The following MED1 variants were observed in gnomAD, a reference collection of about 807,000 sequenced individuals.
MED1 encodes the protein mediator of RNA polymerase II transcription subunit 1.
MED1 carries 17 observed loss-of-function variants against 121.3 expected under a neutral mutation model. The observed-to-expected ratio is 0.14, with a 90% CI of 0.10 to 0.21. The LOEUF (loss-of-function observed/expected upper bound fraction) is 0.21, where lower values mean the gene tolerates loss of function less well. Ranked by LOEUF, MED1 falls within the 10% of genes least tolerant of loss-of-function variation. MED1 has a pLI of 1.00. For missense variants in MED1, 1,558 were observed against 1,919.4 expected (o/e 0.81, Z 3.52); for synonymous variants, 661 against 694.4 (o/e 0.95, Z 0.76).
chr17:39,427,545 A>G, intron 10 of MED1, 156 bp downstream of exon 10: 1 of 568,260 alleles, frequency 1.8e-6, no homozygotes, highest in South Asian at 2.1e-5. Flanking sequence ...ATACATATGT[A>G]TGTACTTGTG....
At chr17:39,431,057 T>A in intron 9 of MED1, 58 bp downstream of exon 9, 1 of 1,417,694 alleles carries the variant, frequency 7.1e-7, no homozygotes. Flanking sequence ...AAATGAAAAG[T>A]AATGACCCTC....
intron 1 of MED1, among the ~76,000 whole-genome samples, chr17:39,450,758 C>G (rs575728275): frequency 6.6e-6 from 1 of 152,224 alleles, no homozygotes; most frequent in East Asian, 1.9e-4. Flanking sequence ...GAGATGTAAG[C>G]TGATTTTGTA....
chr17:39,410,137 A>T lies in MED1; in HGVS notation c.2084T>A (p.Leu695Ter). 6.2e-7 allele frequency: 1 copy of T among 1,614,114 alleles called. No homozygotes were observed. Among genetic ancestry groups the T allele is most frequent in the Non-Finnish European group, 8.5e-7 (1 of 1,180,014 alleles). ...NKTKKKKSSR[L>*]PPEKPKHQTE... ...CTGGTGCTTTGGTTTCTCAGGTGGT[A>T]ATCTTGATGACTTCTTTTTCTTGGT... The change falls in exon 17 of 17, where the codon TTA (leucine) becomes TAA (stop). Residue 695 changes from leucine to a stop codon, truncating the protein, a stop_gained. Coordinates refer to ENST00000300651, the MANE Select transcript of MED1 (RefSeq NM_004774.4). LOFTEE classifies it high-confidence loss of function.
At chr17:39,412,179 C>G (rs1490957649) in intron 16 of MED1, among the ~76,000 whole-genome samples, 1 of 151,336 alleles carries the variant, frequency 6.6e-6, no homozygotes, top group African/African-American at 2.4e-5. Context: ...TCATAAACCT[C>G]AGTTTGCAAA....
chr17:39,409,254 G>A lies in MED1; in HGVS notation c.2967C>T (p.Asp989=), dbSNP rs754092461. 39 of 1,613,966 alleles carry A rather than the reference G, an allele frequency of 2.4e-5. 1 individual carries two copies. In the East Asian group the frequency reaches 8.7e-4, roughly 36 times the overall value. ...TCCGACTGCGCTTCCCTGGTTTGCT[G>A]TCTAATCCGGGCCCCGAGAGAGTAC... The part of the protein sequence containing the change: ...SNSTLSGPGL[D]SKPGKRSRTP... The change falls in exon 17 of 17, where the codon GAC becomes GAT. Residue 989 remains aspartate, a synonymous_variant. Coordinates refer to ENST00000300651, the MANE Select transcript of MED1 (RefSeq NM_004774.4).
intron 16 of MED1, among the ~76,000 whole-genome samples, chr17:39,411,240 A>C (rs1253835256): frequency 6.6e-6 from 1 of 152,098 alleles, no homozygotes; most frequent in Non-Finnish European, 1.5e-5. Context: ...AATTGCTTGA[A>C]CAAGGGAGGC....
intron 14 of MED1, among the ~76,000 whole-genome samples, chr17:39,419,360 G>A (rs1385463047): frequency 2.6e-5 from 4 of 151,474 alleles, no homozygotes; most frequent in Non-Finnish European, 4.4e-5. Flanking sequence ...ACAGGCGTGA[G>A]CCACCACACC....
rs1392209999 is a variant in MED1, at chr17:39,405,476, G to A, written c.*1999C>T. 2 of 1,398,102 alleles carry A rather than the reference G, an allele frequency of 1.4e-6. No homozygotes were observed. The highest frequency in any genetic ancestry group is 2.9e-5 in the Admixed American group (1 of 33,902). 86.6% of individuals were successfully genotyped at this position (1,398,102 alleles called of 1,614,324 possible). ...CCACATAAATTTTTTTTTTTTTCCT[G>A]CAGAAACCAACGGGATAGGATTCAA... On this transcript the variant is annotated 3_prime_UTR_variant, in exon 17 of 17. Coordinates refer to ENST00000300651, the MANE Select transcript of MED1 (RefSeq NM_004774.4).
At chr17:39,442,612 A>C (rs2048688923) in intron 3 of MED1, among the ~76,000 whole-genome samples, 3 of 150,490 alleles carry the variant, frequency 2.0e-5, no homozygotes, top group Non-Finnish European at 3.0e-5. Context: ...AAAAAAAAAA[A>C]AAAAAAAAAC....
intron 12 of MED1, 84 bp from the exon 13 acceptor site, chr17:39,423,529 C>T: frequency 1.4e-6 from 2 of 1,420,192 alleles, no homozygotes; most frequent in Middle Eastern, 1.8e-4. Context: ...TACATTCATT[C>T]ACCCAAAAGA....
intron 6 of MED1, among the ~76,000 whole-genome samples, chr17:39,438,617 C>T (rs940102272): frequency 3.9e-5 from 6 of 152,146 alleles, no homozygotes; most frequent in Non-Finnish European, 8.8e-5. Flanking sequence ...TCCCAAAGTC[C>T]TGGGATTACA....
In MED1 at chr17:39,408,509, T is replaced by C. The variant is rs1400563444; in HGVS notation, c.3712A>G (p.Ser1238Gly). 5.6e-6 allele frequency: 9 copies of C among 1,614,088 alleles called. No individual in the cohort carries two copies. Among genetic ancestry groups the C allele is most frequent in the Non-Finnish European group, 7.6e-6 (9 of 1,180,040 alleles). Reference sequence around the variant, plus strand: ...GATGACTTCATGCCAGAGCTTGAACTAGTTCCAGACATATGAGAACCACCA... The same window carrying C: ...GATGACTTCATGCCAGAGCTTGAACCAGTTCCAGACATATGAGAACCACCA... ...GSGGSHMSGT[S>G]SSSGMKSSSG... Residue 1238 changes from serine to glycine, a missense_variant, in exon 17 of 17, where the codon AGT becomes GGT. Physicochemically the swap from Ser to Gly is moderately conservative, Grantham distance 56. Transcript: ENST00000300651. This position sits in a 1 kb window ranked among gnomAD's most constrained non-coding sequence, Gnocchi z 4.7.
chr17:39,440,714 T>A lies in MED1; in HGVS notation c.212-37A>T, dbSNP rs1187181019. On this transcript the variant is annotated intron_variant, in intron 3 of 16. Transcript: ENST00000300651. The surrounding 1 kb of genome is among the most constrained non-coding windows in gnomAD (Gnocchi z 4.1). The stretch of plus-strand genomic sequence containing the variant: ...TGAAAAAAGGAGTCACAAAGAATGC[T>A]CCAAATGACTTAAATGATATTCTTT... The A allele has an allele frequency of 6.5e-7, 1 of 1,542,466 alleles. No individual in the cohort carries two copies. Among genetic ancestry groups the A allele is most frequent in the East Asian group, 2.2e-5 (1 of 44,554 alleles).
intron 16 of MED1, 135 bp from the exon 17 acceptor site, chr17:39,410,856 CT>C: frequency 1.6e-6 from 2 of 1,283,802 alleles, no homozygotes; most frequent in Non-Finnish European, 2.1e-6. Flanking sequence ...AAAAATAGTT[CT>C]ATCAAATACC....
intron 2 of MED1, among the ~76,000 whole-genome samples, chr17:39,447,251 C>A (rs567454192): frequency 6.6e-6 from 1 of 152,020 alleles, no homozygotes; most frequent in African/African-American, 2.4e-5. Flanking sequence ...ATTAGCTGGG[C>A]GTGGTGGCGC....
At chr17:39,431,288 T>G in intron 8 of MED1, 100 bp from the exon 9 acceptor site, 3 of 1,018,784 alleles carry the variant, frequency 2.9e-6, no homozygotes, top group Non-Finnish European at 2.9e-6. Context: ...TGTCTTTTTT[T>G]TTTTTTGAGA....
chr17:39,423,821 C>G lies in MED1; in HGVS notation c.852G>C (p.Trp284Cys). 6.3e-7 allele frequency: 1 copy of G among 1,591,988 alleles called. No individual in the cohort carries two copies. The highest frequency in any genetic ancestry group is 8.5e-7 in the Non-Finnish European group (1 of 1,173,228). The change falls in exon 12 of 17, where the codon TGG (tryptophan) becomes TGC (cysteine). Residue 284 changes from tryptophan (W) to cysteine (C), a missense_variant and splice_region_variant. Around this residue, in one of 5 missense-constraint regions of MED1, gnomAD observed 443 missense variants for 532.4 expected, o/e 0.83. Coordinates refer to ENST00000300651, the MANE Select transcript of MED1 (RefSeq NM_004774.4). ...IMGSHPVDNK[W>C]TPSFSSITSA... is the part of the protein sequence containing the mutation. ...TGGTGATTGAGGAGAAGGAAGGGGT[C>G]CTTCAAAAAAAAGAGGGTGGAAGGG...
intron 14 of MED1, 61 bp from the exon 15 acceptor site, chr17:39,415,400 A>C: frequency 7.2e-7 from 1 of 1,394,744 alleles, no homozygotes; most frequent in Non-Finnish European, 9.9e-7. Flanking sequence ...CAGGCTGGGC[A>C]CGGTGGCTCA....
At chr17:39,450,646 G>A (rs886397563) in intron 1 of MED1, among the ~76,000 whole-genome samples, 4 of 152,142 alleles carry the variant, frequency 2.6e-5, no homozygotes, top group African/African-American at 9.7e-5. Context: ...AGAACTGCTG[G>A]CTGCTAATAA....
Sources: gnomAD v4.1 joint callset for allele counts (sites outside exome capture counted in the v4.1 genomes callset) on GRCh38, gnomAD v4.1.1 for gene constraint, gnomAD v4.1.1 regional missense constraint, Gnocchi (gnomAD v3.1) non-coding constraint, MANE v1.5 for transcripts, NCBI Gene and HGNC (gene_info 2026-07-23, HGNC 2026-07-21) for gene names.